Variants in UCHL3 observed in about 807,000 individuals in gnomAD.
UCHL3 encodes ubiquitin C-terminal hydrolase L3.
Under a neutral mutation model 35.8 loss-of-function variants are expected in UCHL3, and 22 were observed. The ratio of observed to expected loss-of-function variants is 0.61; its 90% CI spans 0.44 to 0.88. The LOEUF (loss-of-function observed/expected upper bound fraction) is 0.88. Ranked by LOEUF, UCHL3 falls within the 40% of genes least tolerant of loss-of-function variation. UCHL3 has a pLI of 0.00. For synonymous variants in UCHL3, 90 were observed against 92.8 expected, an observed-to-expected ratio of 0.97 and a Z score of 0.17; for missense variants, 229 against 276.9, an observed-to-expected ratio of 0.83 and a Z score of 1.23.
intron 6 of UCHL3, chr13:75,590,340 T>C (rs2032448903): frequency 1.4e-6 from 1 of 693,722 alleles, no homozygotes; most frequent in South Asian, 6.5e-5. Flanking sequence ...TTCCACTCCA[T>C]ATCCTGCCAA....
intron 6 of UCHL3, among the ~76,000 whole-genome samples, chr13:75,588,599 C>A (rs778944386): frequency 6.6e-6 from 1 of 151,928 alleles, no homozygotes; most frequent in African/African-American, 2.4e-5. Flanking sequence ...TTTTTAACCC[C>A]GCATCAAAAT....
intron 6 of UCHL3, among the ~76,000 whole-genome samples, chr13:75,571,225 A>G (rs2031847826): frequency 6.6e-6 from 1 of 152,262 alleles, no homozygotes; most frequent in Admixed American, 6.5e-5. Context: ...ATGCTTTAAT[A>G]CATATTCACT....
intron 2 of UCHL3, 109 bp downstream of exon 2, chr13:75,550,096 C>G: frequency 6.5e-7 from 1 of 1,540,744 alleles, no homozygotes; most frequent in South Asian, 1.1e-5. Flanking sequence ...GATTTAATTT[C>G]TTGAGGGCCC....
chr13:75,594,841 ATG>A (rs2032602394), intron 6 of UCHL3, 72 bp from the exon 7 acceptor site: 5 of 1,007,070 alleles, frequency 5.0e-6, no homozygotes, highest in Non-Finnish European at 7.4e-6. Flanking sequence ...TGTTATTTGT[ATG>A]TGTTTATGTA....
chr13:75,557,104 A>C (rs763578327), intron 2 of UCHL3, among the ~76,000 whole-genome samples: 1 of 152,134 alleles, frequency 6.6e-6, no homozygotes. Context: ...AGTCTCAGCT[A>C]TCTGGGAGGC....
chr13:75,565,561 A>G (rs770084920), intron 3 of UCHL3, among the ~76,000 whole-genome samples: 6 of 152,196 alleles, frequency 3.9e-5, no homozygotes, highest in Non-Finnish European at 8.8e-5. Context: ...AAAGGACTAG[A>G]TAGTAAATAT....
At position 75,567,248 on chromosome 13, in the gene UCHL3, A is replaced by G. The variant is rs751145532; in HGVS notation, c.362A>G (p.Lys121Arg). 29 of 1,613,904 alleles carry G rather than the reference A, an allele frequency of 1.8e-5. No homozygotes were observed. Among genetic ancestry groups the G allele is most frequent in the Non-Finnish European group, 2.4e-5 (28 of 1,179,992 alleles). ...MHFESGSTLK[K>R]FLEESVSMSP... Reference sequence around the variant, plus strand: ...TCAGAATCTGGATCAACCTTGAAAAAATTCCTGGAGGAATCTGTGTCAATG... The same window carrying G: ...TCAGAATCTGGATCAACCTTGAAAAGATTCCTGGAGGAATCTGTGTCAATG... Residue 121 changes from lysine to arginine, a missense_variant, in exon 5 of 9, where the codon AAA (lysine) becomes AGA (arginine). Coordinates refer to ENST00000377595, the MANE Select transcript of UCHL3 (RefSeq NM_006002.5).
chr13:75,604,900 C>A, intron 8 of UCHL3, 73 bp downstream of exon 8: 1 of 1,290,914 alleles, frequency 7.7e-7, no homozygotes, highest in Non-Finnish European at 1.1e-6. Flanking sequence ...AGGTCACTTG[C>A]ATAACATTTT....
intron 8 of UCHL3, 102 bp downstream of exon 8, chr13:75,604,929 C>A: frequency 7.3e-6 from 7 of 963,806 alleles, no homozygotes; most frequent in Non-Finnish European, 8.7e-6. Context: ...TTGGATACTT[C>A]TTTATCCTTG....
chr13:75,602,881 G>T (rs1003254551), intron 7 of UCHL3, among the ~76,000 whole-genome samples: 27 of 152,102 alleles, frequency 1.8e-4, no homozygotes, highest in African/African-American at 6.5e-4. Context: ...AGGATCAGTT[G>T]TTTAACAATC....
At chr13:75,555,707 T>A (rs949947196) in intron 2 of UCHL3, among the ~76,000 whole-genome samples, 1 of 152,150 alleles carries the variant, frequency 6.6e-6, no homozygotes. Flanking sequence ...ATCATTCTCA[T>A]TGAAACCATA....
chr13:75,549,791 G>T lies in UCHL3; in HGVS notation c.-30G>T. ...GGCGGCGGCGGCGAAGGCGGCGGCT[G>T]TCAGAGCTGGAGGGCCGGGCACCGC... On this transcript the variant is annotated 5_prime_UTR_variant, in exon 1 of 9. Coordinates refer to ENST00000377595, the MANE Select transcript of UCHL3 (RefSeq NM_006002.5). 2.0e-6 allele frequency: 3 copies of T among 1,507,272 alleles called. No individual in the cohort carries two copies. The highest frequency in any genetic ancestry group is 2.6e-6 in the Non-Finnish European group (3 of 1,139,390). The allele number at this position is 1,507,272 out of a possible 1,614,324, so 93.4% of individuals were successfully genotyped here.
chr13:75,578,447 A>G (rs2032087764), intron 6 of UCHL3, among the ~76,000 whole-genome samples: 1 of 152,132 alleles, frequency 6.6e-6, no homozygotes, highest in Non-Finnish European at 1.5e-5. Flanking sequence ...TTGTTCAATC[A>G]GATAACCTGT....
intron 2 of UCHL3, among the ~76,000 whole-genome samples, chr13:75,554,042 T>G (rs1225336156): frequency 1.3e-5 from 2 of 152,134 alleles, no homozygotes; most frequent in African/African-American, 2.4e-5. Flanking sequence ...GTGTCTTAGT[T>G]CCTTAATTTC....
At chr13:75,595,596 T>TCAA (rs2032623793) in intron 7 of UCHL3, among the ~76,000 whole-genome samples, 1 of 4,402 alleles carries the variant, frequency 2.3e-4, no homozygotes, top group South Asian at 8.5e-3. Context: ...ATACTCCATC[T>TCAA]CAAAAAAAAA....
At chr13:75,563,422 C>T (rs1471238526) in intron 3 of UCHL3, among the ~76,000 whole-genome samples, 1 of 152,066 alleles carries the variant, frequency 6.6e-6, no homozygotes, top group African/African-American at 2.4e-5. Context: ...AATGATCTGC[C>T]CACTTTGGTC....
intron 6 of UCHL3, among the ~76,000 whole-genome samples, chr13:75,586,570 A>G (rs2032328496): frequency 6.6e-6 from 1 of 152,042 alleles, no homozygotes; most frequent in South Asian, 2.1e-4. Context: ...AGTTGAATAT[A>G]CAGTCTTCTC....
chr13:75,596,912 C>T (rs1315299882), intron 7 of UCHL3, among the ~76,000 whole-genome samples: 1 of 152,150 alleles, frequency 6.6e-6, no homozygotes, highest in Non-Finnish European at 1.5e-5. Context: ...AAAGGCAGAA[C>T]TACTGAGGTC....
At chr13:75,555,522 A>G (rs917295340) in intron 2 of UCHL3, among the ~76,000 whole-genome samples, 1 of 152,214 alleles carries the variant, frequency 6.6e-6, no homozygotes, top group Admixed American at 6.5e-5. Context: ...TTCCTGCTCC[A>G]GAAGATCTCC....
Sources: gnomAD v4.1 joint callset for allele counts (sites outside exome capture counted in the v4.1 genomes callset) on GRCh38, gnomAD v4.1.1 for gene constraint, MANE v1.5 for transcripts, NCBI Gene and HGNC (gene_info 2026-07-23, HGNC 2026-07-21) for gene names.